The following RGS7 variants were observed in gnomAD, a reference collection of about 807,000 sequenced individuals.
The protein encoded by RGS7 is regulator of G-protein signaling 7.
RGS7 carries 27 observed loss-of-function variants against 81.1 expected under a neutral mutation model. The ratio of observed to expected loss-of-function variants is 0.33; its 90% CI spans 0.25 to 0.46. The LOEUF (loss-of-function observed/expected upper bound fraction) is 0.46, where lower values mean the gene tolerates loss of function less well. Ranked by LOEUF, RGS7 falls within the 20% of genes least tolerant of loss-of-function variation. RGS7 has a pLI of 1.00. For missense variants in RGS7, 396 were observed against 607.4 expected (o/e 0.65, Z 3.66); for synonymous variants, 208 against 207.7 (o/e 1.00, Z -0.01).
chr1:241,148,051 C>CTTTTTTTTTTTTTTTTT (rs58632066), intron 2 of RGS7, among the ~76,000 whole-genome samples: 2 of 108,490 alleles, frequency 1.8e-5, no homozygotes, highest in Non-Finnish European at 3.7e-5. Flanking sequence ...TTTTCTTTTT[C>CTTTTTTTTTTTTTTTTT]TTTTTTTTTT....
chr1:240,944,538 T>C lies in RGS7; in HGVS notation c.227-7832A>G, dbSNP rs186652130. Among the ~76,000 whole-genome samples, 350 of 151,998 alleles carry C rather than the reference T, an allele frequency of 2.3e-3. 2 individuals carry two copies. The highest frequency in any genetic ancestry group is 8.3e-3 in the African/African-American group (342 of 41,450). The stretch of plus-strand genomic sequence containing the variant: ...AATGAGCTGGAAGAAAGTAGGGCAC[T>C]GAATTAACTTTTTAGTAGGCAGAGG... On this transcript the variant is annotated intron_variant, in intron 4 of 18. Transcript: ENST00000440928.
chr1:241,074,199 T>G (rs1006115537), intron 3 of RGS7, among the ~76,000 whole-genome samples: 3 of 152,202 alleles, frequency 2.0e-5, no homozygotes, highest in African/African-American at 7.2e-5. Flanking sequence ...TGCCCTCCTG[T>G]CTCTTAGTTT....
At chr1:241,127,874 G>A (rs1479761869) in intron 2 of RGS7, among the ~76,000 whole-genome samples, 1 of 152,044 alleles carries the variant, frequency 6.6e-6, no homozygotes, top group Non-Finnish European at 1.5e-5. Context: ...ATAAGAGGAT[G>A]ATAAATTTCA....
At chr1:240,873,003 C>T (rs550482699) in intron 6 of RGS7, among the ~76,000 whole-genome samples, 29 of 151,980 alleles carry the variant, frequency 1.9e-4, no homozygotes, top group African/African-American at 6.0e-4. Flanking sequence ...CACATGAACC[C>T]AGGAGACAGA....
chr1:240,954,777 C>T (rs1454118930), intron 4 of RGS7, among the ~76,000 whole-genome samples: 3 of 152,060 alleles, frequency 2.0e-5, no homozygotes, highest in African/African-American at 7.2e-5. Context: ...AAATGTTATA[C>T]ACATTGGAAA....
intron 3 of RGS7, among the ~76,000 whole-genome samples, chr1:241,002,339 G>A (rs774094511): frequency 4.6e-5 from 7 of 151,810 alleles, no homozygotes; most frequent in Non-Finnish European, 7.4e-5. Flanking sequence ...TATAATCCCA[G>A]CTACTTGGGA....
intron 6 of RGS7, among the ~76,000 whole-genome samples, chr1:240,917,187 G>A (rs1672749135): frequency 1.3e-5 from 2 of 152,204 alleles, no homozygotes; most frequent in South Asian, 4.1e-4. Context: ...GAAAAACAAA[G>A]ACTTTCTTAG....
At chr1:240,880,561 G>C (rs1666198387) in intron 6 of RGS7, among the ~76,000 whole-genome samples, 1 of 152,208 alleles carries the variant, frequency 6.6e-6, no homozygotes, top group Non-Finnish European at 1.5e-5. Context: ...GTGTCTGAGA[G>C]AGCCTGTGCT....
intron 2 of RGS7, among the ~76,000 whole-genome samples, chr1:241,353,506 C>CA (rs1486935726): frequency 7.9e-5 from 12 of 151,984 alleles, no homozygotes; most frequent in Non-Finnish European, 5.9e-5. Context: ...CAAAGAAAAA[C>CA]AAAAAACATA....
intron 3 of RGS7, among the ~76,000 whole-genome samples, chr1:241,000,130 G>A (rs1347708081): frequency 6.6e-6 from 1 of 152,264 alleles, no homozygotes; most frequent in Non-Finnish European, 1.5e-5. Flanking sequence ...ACCACTCCAG[G>A]GTGGAGAAGT....
rs12732139 is a variant in RGS7 at position 241,000,708 on chromosome 1, G to A, written c.176-17579C>T. On this transcript the variant is annotated intron_variant, in intron 3 of 18. Transcript: ENST00000440928. ...GTCACCTAGGCTGGAGTTTAATGGC[G>A]CAATCTCAGCTCACTGCAAACCTCT... Among the ~76,000 whole-genome samples, 439 of 151,232 alleles carry A rather than the reference G, an allele frequency of 2.9e-3. 1 individual carries two copies. Among genetic ancestry groups the A allele is most frequent in the Non-Finnish European group, 4.8e-3 (326 of 67,922 alleles).
intron 2 of RGS7, among the ~76,000 whole-genome samples, chr1:241,233,343 T>C (rs1299384397): frequency 6.6e-6 from 1 of 152,256 alleles, no homozygotes; most frequent in East Asian, 1.9e-4. Flanking sequence ...TCTTTCAAGC[T>C]GTGTATCTGT....
chr1:241,133,170 TTTTA>T (rs1178588136), intron 2 of RGS7, among the ~76,000 whole-genome samples: 1 of 152,164 alleles, frequency 6.6e-6, no homozygotes, highest in Non-Finnish European at 1.5e-5. Flanking sequence ...GTGAAATGCT[TTTTA>T]TTTACATTTA....
chr1:240,833,782 A>AT (rs1694236918), intron 9 of RGS7, among the ~76,000 whole-genome samples: 1 of 151,850 alleles, frequency 6.6e-6, no homozygotes, highest in African/African-American at 2.4e-5. Flanking sequence ...GTAACTATAG[A>AT]TTTTAAAGTG....
rs1352429673 is a variant in RGS7 at position 241,177,369 on chromosome 1, T to C, written c.79-78607A>G. Among the ~76,000 whole-genome samples the C allele has an allele frequency of 3.3e-5, 5 of 152,146 alleles. No individual in the cohort carries two copies. The East Asian group carries it at 5.8e-4, about 18-fold the overall frequency. Reference sequence around the variant, plus strand: ...CTCAAGGCAGGGAATGTGTTTCCCATGTTCAAGGAAAATAAGGAACAGGAG... The same window carrying C: ...CTCAAGGCAGGGAATGTGTTTCCCACGTTCAAGGAAAATAAGGAACAGGAG... On this transcript the variant is annotated intron_variant, in intron 2 of 18. Coordinates refer to ENST00000440928, the MANE Select transcript of RGS7 (RefSeq NM_001364886.1).
intron 3 of RGS7, among the ~76,000 whole-genome samples, chr1:241,053,938 G>C (rs1384036778): frequency 6.6e-6 from 1 of 152,190 alleles, no homozygotes; most frequent in Non-Finnish European, 1.5e-5. Context: ...TGTGGAACTA[G>C]AGTCCCTTAA....
intron 2 of RGS7, among the ~76,000 whole-genome samples, chr1:241,345,473 GA>G (rs548747132): frequency 2.4e-4 from 36 of 152,252 alleles, no homozygotes; most frequent in Middle Eastern, 3.4e-3. Context: ...TGGAATACTA[GA>G]ATTCCCTGAG....
chr1:241,126,380 C>G (rs1159836730), intron 2 of RGS7, among the ~76,000 whole-genome samples: 1 of 152,042 alleles, frequency 6.6e-6, no homozygotes, highest in Non-Finnish European at 1.5e-5. Context: ...AACTCCCGAC[C>G]TCAGGTGATC....
intron 2 of RGS7, among the ~76,000 whole-genome samples, chr1:241,311,406 G>C (rs2080523275): frequency 1.3e-5 from 2 of 152,158 alleles, no homozygotes; most frequent in African/African-American, 4.8e-5. Context: ...TACTACAATA[G>C]TTTTGTATTT....
Sources: allele counts gnomAD v4.1 joint callset (sites outside exome capture counted in the v4.1 genomes callset), GRCh38; gene constraint gnomAD v4.1.1; transcripts MANE v1.5; gene names NCBI Gene and HGNC (gene_info 2026-07-23, HGNC 2026-07-21).